The following GLOD4 variants were observed in gnomAD, a reference collection of about 807,000 sequenced individuals.
The protein encoded by GLOD4 is glyoxalase domain-containing protein 4.
Under a neutral mutation model 39.1 loss-of-function variants are expected in GLOD4, and 44 were observed. The observed-to-expected ratio is 1.13, with a 90% CI of 0.88 to 1.45. The LOEUF (loss-of-function observed/expected upper bound fraction) is 1.45, where lower values mean the gene tolerates loss of function less well. GLOD4 is among the 40% of genes most tolerant of loss of function. GLOD4 has a pLI of 0.00. For synonymous variants in GLOD4, 145 were observed against 135.0 expected (o/e 1.07, Z -0.52); for missense variants, 405 against 366.4 (o/e 1.11, Z -0.86).
At chr17:760,996 G>A (rs183641015) in intron 8 of GLOD4, among the ~76,000 whole-genome samples, 31 of 152,304 alleles carry the variant, frequency 2.0e-4, no homozygotes, top group Non-Finnish European at 4.0e-4. Context: ...GGTTCCACAA[G>A]CATCCCTTTC....
chr17:766,189 T>C (rs1906516094), intron 8 of GLOD4, among the ~76,000 whole-genome samples: 1 of 151,672 alleles, frequency 6.6e-6, no homozygotes, highest in South Asian at 2.1e-4. Context: ...TTCCAGCTAC[T>C]AGGGAGGCTG....
At chr17:760,327 T>A in intron 8 of GLOD4, 89 bp from the exon 9 acceptor site, 4 of 680,432 alleles carry the variant, frequency 5.9e-6, no homozygotes, top group South Asian at 1.8e-5. Context: ...CTGACCACAA[T>A]AAAAAAAATT....
intron 4 of GLOD4, among the ~76,000 whole-genome samples, chr17:773,606 C>T (rs968127515): frequency 2.0e-5 from 3 of 152,040 alleles, no homozygotes; most frequent in African/African-American, 7.2e-5. Context: ...CCTACTGTTA[C>T]TGGAAACTTT....
chr17:781,302 T>C (rs1025152371), intron 1 of GLOD4, among the ~76,000 whole-genome samples: 2 of 152,164 alleles, frequency 1.3e-5, no homozygotes, highest in Non-Finnish European at 2.9e-5. Context: ...TATCGAAAGT[T>C]TGGTGGTTTT....
At chr17:768,548 ACG>A (rs1907203317) in intron 8 of GLOD4, among the ~76,000 whole-genome samples, 1 of 142,436 alleles carries the variant, frequency 7.0e-6, no homozygotes, top group Admixed American at 7.0e-5. Context: ...TCTGGAGAGG[ACG>A]TGAGAGAGAG....
intron 2 of GLOD4, 135 bp downstream of exon 2, chr17:778,560 G>T (rs779634971): frequency 2.1e-5 from 15 of 713,902 alleles, no homozygotes; most frequent in Non-Finnish European, 3.6e-5. Context: ...TGTTCCCGAC[G>T]CTCCTGAAGT....
chr17:774,687 A>T (rs529147425), intron 4 of GLOD4, among the ~76,000 whole-genome samples: 2 of 152,260 alleles, frequency 1.3e-5, no homozygotes, highest in African/African-American at 4.8e-5. Flanking sequence ...CTTGCCAGTG[A>T]TTGGTTTAGG....
At chr17:767,106 T>A (rs2740342) in intron 8 of GLOD4, among the ~76,000 whole-genome samples, 20,785 of 152,182 alleles carry the variant, frequency 0.14, 1,585 homozygotes, top group Middle Eastern at 0.23. Context: ...ACCATAACAA[T>A]CTTATGAGAT....
At chr17:777,088 G>C (rs1368805088) in intron 2 of GLOD4, 100 bp from the exon 3 acceptor site, 9 of 1,136,522 alleles carry the variant, frequency 7.9e-6, no homozygotes, top group East Asian at 2.4e-5. Context: ...ATTCCTGTCT[G>C]GTCCTAAAAG....
At chr17:771,043 AAAG>A (rs1390297450) in intron 5 of GLOD4, 4 of 254,328 alleles carry the variant, frequency 1.6e-5, no homozygotes, top group East Asian at 9.6e-5. Context: ...GTTATTAGAA[AAAG>A]AAGATGAAAA....
At position 769,960 on chromosome 17, in the gene GLOD4, A is replaced by C; in HGVS notation, c.745-5T>G. 1 of 1,602,194 alleles carries C rather than the reference A, an allele frequency of 6.2e-7. No individual in the cohort carries two copies. On this transcript the variant is annotated splice_polypyrimidine_tract_variant and splice_region_variant and intron_variant, in intron 7 of 8. Transcript: ENST00000301329. ...AAAGCAAATTTCATGTCCGTCCTAC[A>C]CCAATAAAGAGAAAAGACACCTGCC...
intron 8 of GLOD4, among the ~76,000 whole-genome samples, chr17:761,286 G>T (rs1346680708): frequency 6.6e-6 from 1 of 152,164 alleles, no homozygotes; most frequent in East Asian, 1.9e-4. Flanking sequence ...AACAGTGAAG[G>T]TGAAAGTGGC....
chr17:779,423 A>C (rs542364513), intron 1 of GLOD4, among the ~76,000 whole-genome samples: 16 of 147,218 alleles, frequency 1.1e-4, no homozygotes, highest in African/African-American at 3.7e-4. Flanking sequence ...TGAGGTCGGG[A>C]GTTCGAGACC....
chr17:780,917 CTT>C (rs897931602), intron 1 of GLOD4, among the ~76,000 whole-genome samples: 18 of 120,824 alleles, frequency 1.5e-4, no homozygotes, highest in Admixed American at 3.6e-4. Context: ...GGTGTTGAAT[CTT>C]TTTTTTTTTT....
At chr17:782,520 G>A, upstream of GLOD4, 1 of 1,613,698 alleles carries the variant, frequency 6.2e-7, no homozygotes, top group Non-Finnish European at 8.5e-7. Flanking sequence ...CGGAGAGGTG[G>A]TGGAACAGAA....
intron 1 of GLOD4, among the ~76,000 whole-genome samples, chr17:780,976 A>G (rs1334396329): frequency 1.4e-5 from 2 of 146,196 alleles, no homozygotes; most frequent in Non-Finnish European, 3.0e-5. Flanking sequence ...GCTGGAACAC[A>G]ATGGTGCGAT....
chr17:766,345 C>T (rs1359856675), intron 8 of GLOD4, among the ~76,000 whole-genome samples: 1 of 151,812 alleles, frequency 6.6e-6, no homozygotes, highest in Non-Finnish European at 1.5e-5. Flanking sequence ...CCTGTAATCC[C>T]AGCACTTTGG....
chr17:783,041 T>G, upstream of GLOD4: 1 of 1,555,980 alleles, frequency 6.4e-7, no homozygotes, highest in Non-Finnish European at 8.6e-7. Flanking sequence ...GTAACAAGGA[T>G]GTTGATAGTT....
intron 8 of GLOD4, among the ~76,000 whole-genome samples, chr17:765,555 C>T (rs1217856660): frequency 6.6e-6 from 1 of 150,616 alleles, no homozygotes; most frequent in Non-Finnish European, 1.5e-5. Flanking sequence ...GATGGCCAGG[C>T]GCAGTGGCTC....
Sources: gnomAD v4.1 joint callset for allele counts (sites outside exome capture counted in the v4.1 genomes callset) on GRCh38, gnomAD v4.1.1 for gene constraint, MANE v1.5 for transcripts, NCBI Gene and HGNC (gene_info 2026-07-23, HGNC 2026-07-21) for gene names.